Variants in DLG2 observed in about 807,000 individuals in gnomAD.
DLG2 encodes the protein disks large homolog 2.
A neutral mutation model predicts 132.5 loss-of-function variants in DLG2; 45 were observed. The ratio of observed to expected loss-of-function variants is 0.34; its 90% CI spans 0.27 to 0.44. The LOEUF (loss-of-function observed/expected upper bound fraction) is 0.44. Among genes scored for constraint, DLG2 ranks in the 20% least tolerant of loss-of-function variants. The pLI is 1.00. For synonymous variants in DLG2, 424 were observed against 419.6 expected, an observed-to-expected ratio of 1.01 and a Z score of -0.13; for missense variants, 1,045 against 1,196.9, an observed-to-expected ratio of 0.87 and a Z score of 1.87.
intron 12 of DLG2, among the ~76,000 whole-genome samples, chr11:83,971,340 T>C (rs2091293018): frequency 6.6e-6 from 1 of 152,022 alleles, no homozygotes; most frequent in African/African-American, 2.4e-5. Flanking sequence ...TGACTCATTC[T>C]CTCAAACAGA....
chr11:83,745,711 AG>A (rs2092858145), intron 18 of DLG2, among the ~76,000 whole-genome samples: 1 of 152,106 alleles, frequency 6.6e-6, no homozygotes, highest in African/African-American at 2.4e-5. Flanking sequence ...CTGAGATAGG[AG>A]AACTGCTTGA....
chr11:85,184,965 T>C (rs953125067), intron 4 of DLG2, among the ~76,000 whole-genome samples: 15 of 151,952 alleles, frequency 9.9e-5, no homozygotes, highest in Non-Finnish European at 2.2e-4. Context: ...TTTATGTATC[T>C]AGAATCCAAG....
chr11:84,618,507 C>A (rs947385236), intron 6 of DLG2, among the ~76,000 whole-genome samples: 5 of 151,826 alleles, frequency 3.3e-5, no homozygotes, highest in Non-Finnish European at 5.9e-5. Flanking sequence ...CAACTAAAAC[C>A]AGAAAAGTGG....
chr11:85,066,231 C>G (rs148461755), intron 6 of DLG2, among the ~76,000 whole-genome samples: 42 of 151,700 alleles, frequency 2.8e-4, no homozygotes, highest in African/African-American at 9.7e-4. Flanking sequence ...AACAAACAAC[C>G]TCCCAAGAAT....
At chr11:85,178,351 T>C (rs1424744114) in intron 4 of DLG2, among the ~76,000 whole-genome samples, 1 of 152,026 alleles carries the variant, frequency 6.6e-6, no homozygotes, top group Non-Finnish European at 1.5e-5. Flanking sequence ...AATGTTAATT[T>C]TGGAGAATCT....
At chr11:84,424,555 C>A (rs1324386759) in intron 7 of DLG2, among the ~76,000 whole-genome samples, 1 of 152,024 alleles carries the variant, frequency 6.6e-6, no homozygotes, top group Non-Finnish European at 1.5e-5. Flanking sequence ...TGAGGAAGCA[C>A]ACGAGGTTTA....
intron 4 of DLG2, among the ~76,000 whole-genome samples, chr11:85,272,051 T>G (rs2077565847): frequency 6.6e-6 from 1 of 152,202 alleles, no homozygotes; most frequent in African/African-American, 2.4e-5. Context: ...CATCTTGAAT[T>G]GTAGTTCCCA....
chr11:83,884,554 G>C (rs2067257939), intron 15 of DLG2, among the ~76,000 whole-genome samples: 2 of 152,216 alleles, frequency 1.3e-5, no homozygotes, highest in Admixed American at 1.3e-4. Context: ...AACCTTTGCA[G>C]ACTTAAATGT....
chr11:83,516,884 C>T (rs565588000), intron 21 of DLG2, among the ~76,000 whole-genome samples: 72 of 151,940 alleles, frequency 4.7e-4, no homozygotes, highest in South Asian at 3.6e-3. Context: ...GAGTTTCTGC[C>T]GAGAGATCCG....
chr11:83,677,927 C>T (rs183622357), intron 18 of DLG2, among the ~76,000 whole-genome samples: 88 of 152,302 alleles, frequency 5.8e-4, no homozygotes, highest in Non-Finnish European at 8.4e-4. Context: ...GGCGGAACCT[C>T]CCCTGTGAGG....
At chr11:85,517,137 A>G (rs968986997) in intron 3 of DLG2, among the ~76,000 whole-genome samples, 2 of 152,170 alleles carry the variant, frequency 1.3e-5, no homozygotes, top group African/African-American at 2.4e-5. Context: ...AAATCAATAA[A>G]TGTAACTCAT....
At chr11:84,243,986 C>T (rs1043807471) in intron 8 of DLG2, among the ~76,000 whole-genome samples, 16 of 152,092 alleles carry the variant, frequency 1.1e-4, no homozygotes, top group Admixed American at 3.3e-4. Flanking sequence ...TGTGACTTAA[C>T]CAAAACTCAA....
chr11:83,541,995 C>T, intron 19 of DLG2, 137 bp from the exon 20 acceptor site: 1 of 775,150 alleles, frequency 1.3e-6, no homozygotes, highest in South Asian at 2.3e-5. Context: ...TTCCCTGGAT[C>T]ACAGTCCACA....
chr11:84,561,839 A>G (rs1201183939), intron 6 of DLG2, among the ~76,000 whole-genome samples: 1 of 152,152 alleles, frequency 6.6e-6, no homozygotes, highest in Admixed American at 6.5e-5. Flanking sequence ...AAGATTTAAA[A>G]TTGACTTCTT....
chr11:84,903,848 C>T (rs1210172359), intron 6 of DLG2, among the ~76,000 whole-genome samples: 2 of 151,978 alleles, frequency 1.3e-5, no homozygotes, highest in African/African-American at 4.8e-5. Context: ...ACATCCACCT[C>T]AGAAAAATTA....
chr11:84,108,422 TC>T (rs1201508586), intron 9 of DLG2, among the ~76,000 whole-genome samples: 1 of 152,096 alleles, frequency 6.6e-6, no homozygotes, highest in Non-Finnish European at 1.5e-5. Context: ...CTAACATTTT[TC>T]ATTGAAACTG....
At chr11:83,625,432 T>C (rs1298170634) in intron 19 of DLG2, among the ~76,000 whole-genome samples, 2 of 152,222 alleles carry the variant, frequency 1.3e-5, no homozygotes, top group Admixed American at 1.3e-4. Context: ...AAGACATGTT[T>C]GCTACTATAG....
intron 6 of DLG2, among the ~76,000 whole-genome samples, chr11:84,892,546 G>T (rs866215450): frequency 2.0e-5 from 3 of 151,886 alleles, no homozygotes; most frequent in African/African-American, 7.3e-5. Context: ...CTAAATTTAT[G>T]CTTATAGTTT....
chr11:84,593,542 C>G (rs2099549228), intron 6 of DLG2, among the ~76,000 whole-genome samples: 1 of 152,146 alleles, frequency 6.6e-6, no homozygotes, highest in Non-Finnish European at 1.5e-5. Context: ...CAAACTAACA[C>G]AGGACTAGAA....
Sources: allele counts gnomAD v4.1 joint callset (sites outside exome capture counted in the v4.1 genomes callset), GRCh38; gene constraint gnomAD v4.1.1; transcripts MANE v1.5; gene names NCBI Gene and HGNC (gene_info 2026-07-23, HGNC 2026-07-21).